ITFG1: variants seen among roughly 807,000 people sequenced by gnomAD.
ITFG1 encodes the protein integrin alpha FG-GAP repeat containing 1, also known as T-cell immunomodulatory protein.
A neutral mutation model predicts 81.8 loss-of-function variants in ITFG1; 34 were observed. The observed-to-expected ratio is 0.42, with a 90% CI of 0.32 to 0.55. ITFG1 has a LOEUF of 0.55. Ranked by LOEUF, ITFG1 falls within the 20% of genes least tolerant of loss-of-function variation. ITFG1 has a pLI of 0.17. For missense variants in ITFG1, 672 were observed against 755.4 expected (o/e 0.89, Z 1.29); for synonymous variants, 285 against 270.6 (o/e 1.05, Z -0.52).
At position 47,185,319 on chromosome 16, in the gene ITFG1, A is replaced by T. The variant is rs577908696; in HGVS notation, c.1454-22655T>A. The stretch of plus-strand genomic sequence containing the variant: ...GAACTCTCCACCCCAAATCAACAGA[A>T]TATACATTTTTTCAGCACCACACCA... On this transcript the variant is annotated intron_variant, in intron 14 of 17. Transcript: ENST00000320640. Among the ~76,000 whole-genome samples the T allele has an allele frequency of 2.0e-5, 3 of 152,328 alleles. No homozygotes were observed. The East Asian group carries it at 5.8e-4, about 29-fold the overall frequency.
intron 6 of ITFG1, among the ~76,000 whole-genome samples, chr16:47,391,732 T>C (rs1968533997): frequency 6.6e-6 from 1 of 152,222 alleles, no homozygotes; most frequent in South Asian, 2.1e-4. Flanking sequence ...TGTGCATGCA[T>C]CTTGTTAGAT....
chr16:47,428,960 T>C (rs904119068), intron 5 of ITFG1, 62 bp from the exon 6 acceptor site: 14 of 907,396 alleles, frequency 1.5e-5, no homozygotes, highest in Non-Finnish European at 1.9e-5. Context: ...TATTTTAAAA[T>C]AAAAATCTCT....
Position 47,364,388 on chromosome 16 carries a change from G to T in ITFG1, c.802+1400C>A, listed in dbSNP as rs1968148930. 2.0e-5 allele frequency among the ~76,000 whole-genome samples: 3 copies of T among 152,154 alleles called. No homozygotes were observed. In the South Asian group the frequency reaches 6.2e-4, roughly 32 times the overall value. On this transcript the variant is annotated intron_variant, in intron 8 of 17. Transcript: ENST00000320640. ...TACTAATAATTTTGTTAAAAGTAAGGCATTTTATGATATAAAACACACGAT... is the reference window on the plus strand; with the variant it reads ...TACTAATAATTTTGTTAAAAGTAAGTCATTTTATGATATAAAACACACGAT...
At chr16:47,360,185 T>C (rs1000709652) in intron 8 of ITFG1, among the ~76,000 whole-genome samples, 1 of 152,214 alleles carries the variant, frequency 6.6e-6, no homozygotes, top group Non-Finnish European at 1.5e-5. Context: ...GAATCCTATG[T>C]ATGTACCATA....
intron 8 of ITFG1, among the ~76,000 whole-genome samples, chr16:47,361,151 C>T (rs1240712160): frequency 1.3e-5 from 2 of 152,094 alleles, no homozygotes; most frequent in Non-Finnish European, 2.9e-5. Context: ...TCATCATGCC[C>T]AGTATTCTCC....
intron 8 of ITFG1, 145 bp from the exon 9 acceptor site, chr16:47,313,968 T>C: frequency 2.0e-6 from 1 of 509,870 alleles, no homozygotes; most frequent in Non-Finnish European, 3.4e-6. Context: ...ATGAATATGA[T>C]TTTATTTAAA....
Position 47,381,873 on chromosome 16 carries a change from A to AT in ITFG1, c.656-5934dup, listed in dbSNP as rs74613462. 4.7e-3 allele frequency among the ~76,000 whole-genome samples: 709 copies of AT among 152,344 alleles called. 33 individuals carry two copies. In the East Asian group the frequency reaches 0.11, roughly 24 times the overall value. On this transcript the variant is annotated intron_variant, in intron 6 of 17. Transcript: ENST00000320640. ...GTCATCAATTGAAATGCTATAAGGC[A>AT]TAAGGCCTTAACTTAAATAAGTTAA...
chr16:47,300,334 G>C (rs373189498), intron 10 of ITFG1, among the ~76,000 whole-genome samples: 10 of 152,324 alleles, frequency 6.6e-5, no homozygotes, highest in African/African-American at 2.2e-4. Flanking sequence ...TTTGAAGTAT[G>C]AGGTGTGCTT....
At chr16:47,364,508 C>T (rs1225392181) in intron 8 of ITFG1, among the ~76,000 whole-genome samples, 1 of 152,112 alleles carries the variant, frequency 6.6e-6, no homozygotes, top group Non-Finnish European at 1.5e-5. Context: ...AGTACATATA[C>T]ACTTTTTTCC....
At chr16:47,202,296 G>T (rs917652066) in intron 14 of ITFG1, 1 of 152,172 alleles carries the variant, frequency 6.6e-6, no homozygotes, top group Non-Finnish European at 1.5e-5. Context: ...ATACACTCAA[G>T]TAGTTTAGGA....
At chr16:47,266,390 G>A (rs950367741) in intron 10 of ITFG1, among the ~76,000 whole-genome samples, 1 of 152,052 alleles carries the variant, frequency 6.6e-6, no homozygotes, top group Admixed American at 6.5e-5. Context: ...GCTAATTTTT[G>A]TACTTTTAGT....
intron 12 of ITFG1, among the ~76,000 whole-genome samples, chr16:47,251,570 C>T (rs962727300): frequency 5.3e-5 from 8 of 152,122 alleles, no homozygotes; most frequent in Admixed American, 2.0e-4. Context: ...ATGGCCCCCA[C>T]CCTAAACAGA....
At chr16:47,282,066 T>C (rs1966456701) in intron 10 of ITFG1, among the ~76,000 whole-genome samples, 1 of 151,840 alleles carries the variant, frequency 6.6e-6, no homozygotes, top group Admixed American at 6.6e-5. Flanking sequence ...ATGTAATAAT[T>C]TCTCATCCCT....
intron 6 of ITFG1, among the ~76,000 whole-genome samples, chr16:47,389,915 A>G (rs1308060721): frequency 6.6e-6 from 1 of 152,272 alleles, no homozygotes; most frequent in South Asian, 2.1e-4. Flanking sequence ...AGGCAGATGT[A>G]AACTCAACTG....
chr16:47,346,303 C>T (rs973015670), intron 8 of ITFG1, among the ~76,000 whole-genome samples: 2 of 152,132 alleles, frequency 1.3e-5, no homozygotes, highest in South Asian at 4.1e-4. Flanking sequence ...TATATAAATA[C>T]ATGGGAATTA....
chr16:47,170,456 G>GTCT (rs1567412683), intron 14 of ITFG1, among the ~76,000 whole-genome samples: 2 of 150,870 alleles, frequency 1.3e-5, no homozygotes, highest in African/African-American at 4.9e-5. Context: ...TGAGACAAGA[G>GTCT]TCTTGCTCTG....
At chr16:47,443,387 C>G (rs1251058001) in intron 5 of ITFG1, among the ~76,000 whole-genome samples, 2 of 152,152 alleles carry the variant, frequency 1.3e-5, no homozygotes, top group Non-Finnish European at 2.9e-5. Flanking sequence ...ACCCAGACGT[C>G]CCATTACTGG....
chr16:47,309,983 C>G (rs1354578590), intron 10 of ITFG1, among the ~76,000 whole-genome samples: 1 of 152,128 alleles, frequency 6.6e-6, no homozygotes, highest in African/African-American at 2.4e-5. Flanking sequence ...TGCCACTATG[C>G]TTTTAAAAAG....
chr16:47,214,299 C>T (rs1965599456), intron 14 of ITFG1, among the ~76,000 whole-genome samples: 1 of 152,144 alleles, frequency 6.6e-6, no homozygotes, highest in South Asian at 2.1e-4. Context: ...ATGTTTTTCT[C>T]AGATATATTA....
Sources: gnomAD v4.1 joint callset for allele counts (sites outside exome capture counted in the v4.1 genomes callset) on GRCh38, gnomAD v4.1.1 for gene constraint, MANE v1.5 for transcripts, NCBI Gene and HGNC (gene_info 2026-07-23, HGNC 2026-07-21) for gene names.